Variants in EHF observed in about 807,000 individuals in gnomAD.
The protein encoded by EHF is ETS homologous factor.
Under a neutral mutation model 45.1 loss-of-function variants are expected in EHF, and 14 were observed. The ratio of observed to expected loss-of-function variants is 0.31; its 90% confidence interval spans 0.21 to 0.49. EHF has a LOEUF of 0.49. Ranked by LOEUF, EHF falls within the 20% of genes least tolerant of loss-of-function variation. The probability of loss-of-function intolerance (pLI) is 0.99; values close to 1 mark genes in which losing one functional copy is unlikely to be tolerated. For missense variants in EHF, 282 were observed against 371.4 expected, an observed-to-expected ratio of 0.76 and a Z score of 1.98; for synonymous variants, 136 against 131.8, an observed-to-expected ratio of 1.03 and a Z score of -0.22.
intron 6 of EHF, among the ~76,000 whole-genome samples, chr11:34,655,717 G>GT (rs1174310826): frequency 2.0e-5 from 3 of 152,208 alleles, no homozygotes; most frequent in Admixed American, 1.3e-4. Flanking sequence ...CTGGTACATA[G>GT]TAAGTGCTCA....
At chr11:34,652,136 T>C (rs1214540637) in intron 6 of EHF, among the ~76,000 whole-genome samples, 5 of 152,220 alleles carry the variant, frequency 3.3e-5, no homozygotes, top group African/African-American at 9.6e-5. Flanking sequence ...GGTATACTTA[T>C]GGGAAATAAG....
At chr11:34,625,167 G>A (rs1348638479) in intron 1 of EHF, among the ~76,000 whole-genome samples, 1 of 152,016 alleles carries the variant, frequency 6.6e-6, no homozygotes, top group Non-Finnish European at 1.5e-5. Context: ...TCAGAATTTT[G>A]GCTAAAGGCT....
chr11:34,639,962 G>A (rs1331531208), intron 1 of EHF, among the ~76,000 whole-genome samples: 2 of 152,146 alleles, frequency 1.3e-5, no homozygotes, highest in Non-Finnish European at 2.9e-5. Context: ...AGAGGGGCTT[G>A]TGGGCATTTG....
At chr11:34,642,847 A>T in intron 2 of EHF, 120 bp downstream of exon 2, 1 of 744,460 alleles carries the variant, frequency 1.3e-6, no homozygotes, top group South Asian at 1.8e-5. Flanking sequence ...TGGGACAAGA[A>T]GGAATGGAGA....
intron 1 of EHF, among the ~76,000 whole-genome samples, chr11:34,630,807 C>A (rs139716757): frequency 0.01 from 1,590 of 152,236 alleles, 8 homozygotes; most frequent in African/African-American, 0.019. Flanking sequence ...CAGCCATATC[C>A]CTCCCCTGTC....
intron 6 of EHF, among the ~76,000 whole-genome samples, chr11:34,653,010 A>G (rs1403565825): frequency 1.3e-5 from 2 of 152,170 alleles, no homozygotes; most frequent in East Asian, 1.9e-4. Flanking sequence ...TTCTGGGGGA[A>G]CTGAGCCAAC....
At chr11:34,656,463 T>C (rs1415235051) in intron 6 of EHF, among the ~76,000 whole-genome samples, 1 of 152,110 alleles carries the variant, frequency 6.6e-6, no homozygotes, top group Admixed American at 6.5e-5. Context: ...CTCAGAGTCA[T>C]GTCCTTAAAA....
chr11:34,652,643 T>C (rs1855282554), intron 6 of EHF, among the ~76,000 whole-genome samples: 1 of 152,252 alleles, frequency 6.6e-6, no homozygotes. Flanking sequence ...CAAGTGATAG[T>C]GCCTCTCTCC....
At chr11:34,638,579 G>C (rs1022926594) in intron 1 of EHF, among the ~76,000 whole-genome samples, 9 of 152,172 alleles carry the variant, frequency 5.9e-5, no homozygotes, top group African/African-American at 2.2e-4. Flanking sequence ...ACTGGGGGTG[G>C]TTTTTGCCTC....
chr11:34,625,775 G>C (rs984643860), intron 1 of EHF, among the ~76,000 whole-genome samples: 1 of 152,178 alleles, frequency 6.6e-6, no homozygotes, highest in Non-Finnish European at 1.5e-5. Flanking sequence ...TACGGGGCCG[G>C]GCCCCTTGTT....
chr11:34,657,350 G>T lies in EHF; in HGVS notation c.607+380G>T, dbSNP rs987956966. ...TCATCCTTTCTTTTGCTAAATGTTG[G>T]CCTCCTACCTTTGTGGAGTTACCAT... On this transcript the variant is annotated intron_variant, in intron 7 of 8. Transcript: ENST00000257831. 7.2e-5 allele frequency among the ~76,000 whole-genome samples: 11 copies of T among 152,264 alleles called. 1 individual carries two copies. In the South Asian group the frequency reaches 1.2e-3, roughly 17 times the overall value.
rs1856087325 is a variant in EHF, at chr11:34,661,574, C to T, written c.*2643C>T. Among the ~76,000 whole-genome samples the T allele has an allele frequency of 6.6e-6, 1 of 152,242 alleles. No homozygotes were observed. Among genetic ancestry groups the T allele is most frequent in the East Asian group, 1.9e-4 (1 of 5,174 alleles). On this transcript the variant is annotated 3_prime_UTR_variant, in exon 9 of 9. Transcript: ENST00000257831. ...GATTAAGGCTTGAGTATTAAGTTCT[C>T]AGCATATCTCTCTATTGTCTTGACT...
intron 1 of EHF, among the ~76,000 whole-genome samples, chr11:34,634,171 G>A (rs1853171109): frequency 6.6e-6 from 1 of 151,034 alleles, no homozygotes; most frequent in Non-Finnish European, 1.5e-5. Context: ...ATATTCAGTT[G>A]CCTTTCACAT....
In EHF at chr11:34,638,023, T is replaced by C. The variant is rs563852765; in HGVS notation, c.-3-4605T>C. On this transcript the variant is annotated intron_variant, in intron 1 of 8. Transcript: ENST00000257831. The stretch of plus-strand genomic sequence containing the variant: ...TTCAAGCGATTCTCCTGCCTCAACC[T>C]CCCGAGTAGCTGGGATTACAGGCAT... Among the ~76,000 whole-genome samples the C allele has an allele frequency of 2.6e-5, 4 of 151,706 alleles. No homozygotes were observed. In the South Asian group the frequency reaches 8.4e-4, roughly 32 times the overall value.
At chr11:34,643,371 G>A (rs1488468773) in intron 2 of EHF, among the ~76,000 whole-genome samples, 2 of 152,032 alleles carry the variant, frequency 1.3e-5, no homozygotes, top group Admixed American at 6.5e-5. Context: ...TTGCTGAATC[G>A]GGAACCCCAT....
At chr11:34,649,379 T>C (rs913463387) in intron 4 of EHF, among the ~76,000 whole-genome samples, 4 of 152,136 alleles carry the variant, frequency 2.6e-5, no homozygotes, top group African/African-American at 9.7e-5. Flanking sequence ...GCAGAATATA[T>C]GGTGGGCCTC....
At chr11:34,635,839 G>A (rs1370388787) in intron 1 of EHF, among the ~76,000 whole-genome samples, 1 of 151,888 alleles carries the variant, frequency 6.6e-6, no homozygotes, top group Non-Finnish European at 1.5e-5. Flanking sequence ...GAGAGGAAGA[G>A]GGACAGGAGG....
intron 1 of EHF, among the ~76,000 whole-genome samples, chr11:34,629,676 T>C (rs987871566): frequency 6.6e-6 from 1 of 152,158 alleles, no homozygotes; most frequent in South Asian, 2.1e-4. Flanking sequence ...GGGGAAGACT[T>C]TTCCTCGATT....
chr11:34,632,795 G>T (rs1331834881), intron 1 of EHF: 10 of 988,840 alleles, frequency 1.0e-5, no homozygotes, highest in African/African-American at 6.4e-5. Flanking sequence ...CTTGTGAATA[G>T]TCCATCAGGG....
Sources: allele counts gnomAD v4.1 joint callset (sites outside exome capture counted in the v4.1 genomes callset), GRCh38; gene constraint gnomAD v4.1.1; transcripts MANE v1.5; gene names NCBI Gene and HGNC (gene_info 2026-07-23, HGNC 2026-07-21).